The following PAN3 variants were observed in gnomAD, a reference collection of about 807,000 sequenced individuals.
PAN3 encodes the protein PAN2-PAN3 deadenylation complex subunit PAN3.
A neutral mutation model predicts 96.2 loss-of-function variants in PAN3; 19 were observed. The observed-to-expected ratio is 0.20, with a 90% confidence interval of 0.14 to 0.29. The LOEUF is 0.29. Among genes scored for constraint, PAN3 ranks in the 10% least tolerant of loss-of-function variants. PAN3 has a pLI of 1.00. For missense variants in PAN3, 882 were observed against 1,108.1 expected (o/e 0.80, Z 2.90); for synonymous variants, 433 against 406.6 (o/e 1.06, Z -0.78).
intron 6 of PAN3, among the ~76,000 whole-genome samples, chr13:28,249,147 T>C (rs1884477606): frequency 6.6e-6 from 1 of 152,244 alleles, no homozygotes; most frequent in Non-Finnish European, 1.5e-5. Context: ...TTTATTTATT[T>C]ATTTGTTTGT....
At chr13:28,280,266 A>T in intron 15 of PAN3, 146 bp from the exon 16 acceptor site, 3 of 920,846 alleles carry the variant, frequency 3.3e-6, no homozygotes, top group Non-Finnish European at 4.7e-6. Flanking sequence ...TGTAATATTT[A>T]AGAATGAACT....
intron 4 of PAN3, among the ~76,000 whole-genome samples, chr13:28,186,917 TA>T (rs1367936539): frequency 4.6e-5 from 7 of 152,156 alleles, no homozygotes; most frequent in African/African-American, 1.4e-4. Context: ...CTTTCTTGTT[TA>T]AAAAAATAAA....
chr13:28,243,416 T>C (rs958504192), intron 6 of PAN3, among the ~76,000 whole-genome samples: 2 of 152,228 alleles, frequency 1.3e-5, no homozygotes, highest in South Asian at 2.1e-4. Flanking sequence ...ATTTTCACTT[T>C]TATGGAATTC....
At chr13:28,159,362 A>G (rs888021568) in intron 1 of PAN3, among the ~76,000 whole-genome samples, 2 of 152,220 alleles carry the variant, frequency 1.3e-5, no homozygotes, top group East Asian at 1.9e-4. Flanking sequence ...CAGAAAACCA[A>G]ATACCACATG....
chr13:28,228,594 A>G (rs73158110), intron 6 of PAN3, among the ~76,000 whole-genome samples: 103 of 152,336 alleles, frequency 6.8e-4, no homozygotes, highest in Non-Finnish European at 1.4e-3. Flanking sequence ...AGATTTTAGC[A>G]TGGTATCCCT....
intron 6 of PAN3, among the ~76,000 whole-genome samples, chr13:28,227,424 T>C (rs1436995470): frequency 3.3e-5 from 5 of 152,154 alleles, no homozygotes; most frequent in African/African-American, 9.6e-5. Context: ...AGGGATTTCC[T>C]TTAACTACGA....
intron 5 of PAN3, among the ~76,000 whole-genome samples, chr13:28,216,986 C>T (rs1195786232): frequency 2.6e-5 from 4 of 151,552 alleles, no homozygotes; most frequent in Admixed American, 1.3e-4. Context: ...CGGTGGCGGG[C>T]GCCTGTAATC....
Position 28,154,445 on chromosome 13 carries a change from A to G in PAN3, c.430+15358A>G, listed in dbSNP as rs530246357. On this transcript the variant is annotated intron_variant, in intron 1 of 18. Coordinates refer to ENST00000380958, the MANE Select transcript of PAN3 (RefSeq NM_175854.8). The stretch of plus-strand genomic sequence containing the variant: ...GCTATCTTGGTGCATAGATATGACA[A>G]CTTCCTTAAGAGCCAGTTTGCCAGA... 2.0e-3 allele frequency among the ~76,000 whole-genome samples: 306 copies of G among 152,078 alleles called. 2 individuals are homozygous for G. The highest frequency in any genetic ancestry group is 0.016 in the South Asian group (75 of 4,810).
At chr13:28,169,372 G>A (rs1182855344) in intron 1 of PAN3, among the ~76,000 whole-genome samples, 2 of 151,318 alleles carry the variant, frequency 1.3e-5, no homozygotes, top group East Asian at 4.0e-4. Context: ...TGGTCTTACA[G>A]GTGCCCACCA....
In PAN3 at chr13:28,236,647, T is replaced by C. The variant is rs577847346; in HGVS notation, c.1000+16269T>C. ...ATTTTTTCTATTTGTTTTAACCAGT[T>C]TAGCATAAAGACAATGTTCTCAGTG... On this transcript the variant is annotated intron_variant, in intron 6 of 18. Transcript: ENST00000380958. Among the ~76,000 whole-genome samples, 14 of 152,336 alleles carry C rather than the reference T, an allele frequency of 9.2e-5. No homozygotes were observed. The South Asian group carries it at 1.2e-3, about 14-fold the overall frequency.
intron 1 of PAN3, among the ~76,000 whole-genome samples, chr13:28,162,520 A>G (rs1056371489): frequency 7.9e-5 from 12 of 152,060 alleles, no homozygotes; most frequent in African/African-American, 2.7e-4. Flanking sequence ...CCCCACCTCT[A>G]CTAAAAATAC....
chr13:28,170,860 G>A (rs1002887433), intron 1 of PAN3, among the ~76,000 whole-genome samples: 6 of 151,940 alleles, frequency 3.9e-5, no homozygotes, highest in East Asian at 1.9e-4. Flanking sequence ...GTAATGGTGC[G>A]ATCTTGGCTC....
rs769312693 is a variant in PAN3 at position 28,197,176 on chromosome 13, T to C, written c.691-9T>C. On this transcript the variant is annotated splice_polypyrimidine_tract_variant and intron_variant, in intron 4 of 18. Coordinates refer to ENST00000380958, the MANE Select transcript of PAN3 (RefSeq NM_175854.8). ...GGAGTGGCCTGGTTTCTTTCCTTCT[T>C]TTTCCTAGCCAAGGAAGTATCGCCT... 15 of 1,610,070 alleles carry C rather than the reference T, an allele frequency of 9.3e-6. No homozygotes were observed. Among genetic ancestry groups the C allele is most frequent in the Non-Finnish European group, 1.3e-5 (15 of 1,178,332 alleles).
intron 9 of PAN3, among the ~76,000 whole-genome samples, chr13:28,263,840 T>C (rs1391717602): frequency 3.3e-5 from 5 of 152,024 alleles, no homozygotes; most frequent in Non-Finnish European, 5.9e-5. Flanking sequence ...GTAGCGATGA[T>C]AAAATATTTA....
At chr13:28,149,716 A>G (rs779584889) in intron 1 of PAN3, among the ~76,000 whole-genome samples, 4 of 152,176 alleles carry the variant, frequency 2.6e-5, no homozygotes, top group Non-Finnish European at 2.9e-5. Context: ...CCTGGGCTCA[A>G]GTTACCCTCT....
At chr13:28,185,979 T>G (rs1313972022) in intron 4 of PAN3, among the ~76,000 whole-genome samples, 1 of 152,214 alleles carries the variant, frequency 6.6e-6, no homozygotes, top group Non-Finnish European at 1.5e-5. Flanking sequence ...AAAGGTGAAC[T>G]TAAAATTCTC....
At chr13:28,249,252 G>A (rs1884488981) in intron 6 of PAN3, among the ~76,000 whole-genome samples, 1 of 152,058 alleles carries the variant, frequency 6.6e-6, no homozygotes, top group South Asian at 2.1e-4. Context: ...TTATACCTAT[G>A]TTTTCTTTGT....
chr13:28,286,068 A>T lies in PAN3; in HGVS notation c.2385-1916A>T, dbSNP rs183380064. ...ATGGGAAGCCTTTGTGAGGGCAGGG[A>T]TTATAGAATGTTGAACCTTTCTCTG... On this transcript the variant is annotated intron_variant, in intron 17 of 18. Coordinates refer to ENST00000380958, the MANE Select transcript of PAN3 (RefSeq NM_175854.8). Among the ~76,000 whole-genome samples, 11 of 152,342 alleles carry T rather than the reference A, an allele frequency of 7.2e-5. No individual in the cohort carries two copies. In the East Asian group the frequency reaches 2.1e-3, roughly 29 times the overall value.
intron 18 of PAN3, 117 bp downstream of exon 18, chr13:28,288,239 T>C: frequency 2.3e-6 from 2 of 875,128 alleles, no homozygotes; most frequent in Non-Finnish European, 3.3e-6. Flanking sequence ...AAGTAGCCTG[T>C]AAGACGTTTT....
Sources: gnomAD v4.1 joint callset for allele counts (sites outside exome capture counted in the v4.1 genomes callset) on GRCh38, gnomAD v4.1.1 for gene constraint, MANE v1.5 for transcripts, NCBI Gene and HGNC (gene_info 2026-07-23, HGNC 2026-07-21) for gene names.